Variants in GRHL1 observed in about 807,000 individuals in gnomAD.
GRHL1 encodes the protein grainyhead like transcription factor 1.
A neutral mutation model predicts 75.7 loss-of-function variants in GRHL1; 38 were observed. That is an observed-to-expected ratio of 0.50 (90% CI 0.39 to 0.66). The LOEUF is 0.66. Among genes scored for constraint, GRHL1 ranks in the 30% least tolerant of loss-of-function variants. GRHL1 has a pLI of 0.00. For synonymous variants in GRHL1, 266 were observed against 279.4 expected (o/e 0.95, Z 0.48); for missense variants, 589 against 767.5 (o/e 0.77, Z 2.75).
In GRHL1 at chr2:9,961,420, A is replaced by G. The variant is rs758682916; in HGVS notation, c.653A>G (p.Lys218Arg). Residue 218 changes from lysine to arginine, a missense_variant, in exon 4 of 16, where the codon AAG becomes AGG. By Grantham distance (26) the Lys-to-Arg change is conservative. Coordinates refer to ENST00000324907, the MANE Select transcript of GRHL1 (RefSeq NM_198182.3). ...TPDSTFSETF[K>R]EGVQEVFFPS... Reference sequence around the variant, plus strand: ...GACTCGACCTTCTCAGAGACCTTCAAGGAAGGCGTTCAGGAGGTAAGGAAA... The same window carrying G: ...GACTCGACCTTCTCAGAGACCTTCAGGGAAGGCGTTCAGGAGGTAAGGAAA... 1 of 1,608,788 alleles carries G rather than the reference A, an allele frequency of 6.2e-7. No individual in the cohort carries two copies. The highest frequency in any genetic ancestry group is 8.5e-7 in the Non-Finnish European group (1 of 1,175,562).
chr2:9,998,210 G>A (rs559848650), intron 14 of GRHL1, among the ~76,000 whole-genome samples: 1 of 152,110 alleles, frequency 6.6e-6, no homozygotes, highest in East Asian at 1.9e-4. Context: ...GAGTGAATCA[G>A]CTGTTTGTCC....
chr2:9,960,955 A>C, intron 3 of GRHL1, 91 bp from the exon 4 acceptor site: 1 of 913,266 alleles, frequency 1.1e-6, no homozygotes. Context: ...GTTATTGCAC[A>C]GGACCCAACA....
chr2:9,951,828 G>T lies in GRHL1; in HGVS notation c.-6G>T. On this transcript the variant is annotated 5_prime_UTR_variant, in exon 1 of 16. Coordinates refer to ENST00000324907, the MANE Select transcript of GRHL1 (RefSeq NM_198182.3). The surrounding 1 kb of genome is among the most constrained non-coding windows in gnomAD (Gnocchi z 4.2). ...TTCTGCGGCCCGGCAGCGGCGAGCGGGCGCGATGACACAGGAGTACGACAA... is the reference window on the plus strand; with the variant it reads ...TTCTGCGGCCCGGCAGCGGCGAGCGTGCGCGATGACACAGGAGTACGACAA... 6.5e-7 allele frequency: 1 copy of T among 1,527,098 alleles called. No individual in the cohort carries two copies. The highest frequency in any genetic ancestry group is 8.8e-7 in the Non-Finnish European group (1 of 1,135,856). The allele number at this position is 1,527,098 out of a possible 1,614,324, so 94.6% of individuals were successfully genotyped here.
At chr2:9,969,240 A>G (rs997575799) in intron 8 of GRHL1, among the ~76,000 whole-genome samples, 3 of 152,232 alleles carry the variant, frequency 2.0e-5, no homozygotes, top group Admixed American at 1.3e-4. Flanking sequence ...GGGAGAGAGA[A>G]TTAACTTCTT....
At chr2:9,980,295 C>T (rs371893203) in intron 8 of GRHL1, among the ~76,000 whole-genome samples, 14 of 151,780 alleles carry the variant, frequency 9.2e-5, no homozygotes, top group Non-Finnish European at 1.6e-4. Context: ...CGTTCAAGAT[C>T]TGATTTCTTG....
chr2:9,983,318 T>TA (rs397873697), intron 8 of GRHL1, among the ~76,000 whole-genome samples: 2 of 152,170 alleles, frequency 1.3e-5, no homozygotes, highest in Admixed American at 6.6e-5. Context: ...ATTTTTTTTT[T>TA]AATGCTGAAT....
intron 8 of GRHL1, among the ~76,000 whole-genome samples, chr2:9,969,361 C>T (rs1667618922): frequency 6.6e-6 from 1 of 152,198 alleles, no homozygotes; most frequent in South Asian, 2.1e-4. Context: ...GTACTCCATG[C>T]TATTACGTGC....
intron 3 of GRHL1, chr2:9,960,165 A>G (rs1270809888): frequency 1.3e-5 from 2 of 152,222 alleles, no homozygotes; most frequent in Admixed American, 1.3e-4. Flanking sequence ...CAGGCCCGGC[A>G]CAGTGGCTCA....
Position 9,963,868 on chromosome 2 carries a change from A to C in GRHL1, c.747-18A>C. On this transcript the variant is annotated intron_variant, in intron 5 of 15. Coordinates refer to ENST00000324907, the MANE Select transcript of GRHL1 (RefSeq NM_198182.3). ...ACGAGAGTAGATTTAGAGACCTGTG[A>C]CTTTTTTTGTCCTTTAGGAACAACT... 1.3e-6 allele frequency: 2 copies of C among 1,594,034 alleles called. No homozygotes were observed. Among genetic ancestry groups the C allele is most frequent in the Non-Finnish European group, 1.7e-6 (2 of 1,168,068 alleles).
intron 8 of GRHL1, among the ~76,000 whole-genome samples, chr2:9,969,511 A>G (rs1284735744): frequency 1.3e-5 from 2 of 152,274 alleles, no homozygotes; most frequent in African/African-American, 4.8e-5. Context: ...TGGACTCACT[A>G]ATATAAATAA....
Position 9,990,501 on chromosome 2 carries a change from A to G in GRHL1, c.1270-195A>G, listed in dbSNP as rs115116781. Among the ~76,000 whole-genome samples the G allele has an allele frequency of 5.4e-3, 820 of 152,302 alleles. 10 individuals carry two copies. The highest frequency in any genetic ancestry group is 0.019 in the African/African-American group (771 of 41,566). On this transcript the variant is annotated intron_variant, in intron 9 of 15. Coordinates refer to ENST00000324907, the MANE Select transcript of GRHL1 (RefSeq NM_198182.3). The surrounding 1 kb of genome is among the most constrained non-coding windows in gnomAD (Gnocchi z 4.2). ...AATAAATGTTGTTCCCTGTGATTTCATAGAATTAAAAATAATTTTAAGACT... is the reference window on the plus strand; with the variant it reads ...AATAAATGTTGTTCCCTGTGATTTCGTAGAATTAAAAATAATTTTAAGACT...
At chr2:9,997,562 C>T (rs1668922357) in intron 14 of GRHL1, among the ~76,000 whole-genome samples, 1 of 152,104 alleles carries the variant, frequency 6.6e-6, no homozygotes, top group African/African-American at 2.4e-5. Flanking sequence ...TGGCTCACAC[C>T]TGTAATCCCA....
In GRHL1 at chr2:9,992,200, G is replaced by A; in HGVS notation, c.1461+54G>A. On this transcript the variant is annotated intron_variant, in intron 11 of 15. Transcript: ENST00000324907. The surrounding 1 kb of genome is among the most constrained non-coding windows in gnomAD (Gnocchi z 4.6). ...ACCAGGAAGGAAGGCATGGCAAAAG[G>A]AAATTCTTTGGCATTATTCATGGGA... is the stretch of plus-strand genomic sequence containing the variant. The A allele has an allele frequency of 1.9e-6, 3 of 1,553,806 alleles. No individual in the cohort carries two copies. The East Asian group carries it at 6.8e-5, about 35-fold the overall frequency.
intron 5 of GRHL1, among the ~76,000 whole-genome samples, chr2:9,963,657 G>A (rs953428956): frequency 6.6e-6 from 1 of 152,018 alleles, no homozygotes; most frequent in African/African-American, 2.4e-5. Context: ...TTAATATCTC[G>A]AGCCCTCAAA....
At chr2:9,966,864 A>G (rs188399445) in intron 8 of GRHL1, among the ~76,000 whole-genome samples, 28 of 152,290 alleles carry the variant, frequency 1.8e-4, no homozygotes, top group Non-Finnish European at 1.5e-4. Flanking sequence ...TTTCCTGCCA[A>G]CCACCTCAGT....
intron 8 of GRHL1, among the ~76,000 whole-genome samples, chr2:9,971,507 C>T (rs147277733): frequency 6.6e-6 from 1 of 152,306 alleles, no homozygotes; most frequent in African/African-American, 2.4e-5. Flanking sequence ...GCTAACTAGA[C>T]TGAGATGGAT....
rs376980302 is a variant in GRHL1, at chr2:9,954,927, G to A, written c.33G>A (p.Val11=). Residue 11 remains valine, a synonymous_variant, in exon 2 of 16, where the codon GTG becomes GTA. Transcript: ENST00000324907. ...AATTTCTCTGAAGCAAACGGCCAGT[G>A]TTGGTTCTTCAGAATGAAGCACTTT... The part of the protein sequence containing the change: MTQEYDNKRP[V]LVLQNEALYP... The A allele has an allele frequency of 6.8e-6, 11 of 1,612,866 alleles. No individual in the cohort carries two copies. In the African/African-American group the frequency reaches 1.3e-4, roughly 20 times the overall value.
intron 4 of GRHL1, among the ~76,000 whole-genome samples, chr2:9,961,643 A>G (rs1253529584): frequency 1.3e-5 from 2 of 152,210 alleles, no homozygotes; most frequent in African/African-American, 4.8e-5. Context: ...ATGCAAGGCT[A>G]ATCTTACCAG....
intron 8 of GRHL1, among the ~76,000 whole-genome samples, chr2:9,983,328 T>C (rs2125233324): frequency 6.6e-6 from 1 of 152,134 alleles, no homozygotes; most frequent in Admixed American, 6.5e-5. Context: ...TAATGCTGAA[T>C]TAGGACCATT....
Sources: gnomAD v4.1 joint callset for allele counts (sites outside exome capture counted in the v4.1 genomes callset) on GRCh38, gnomAD v4.1.1 for gene constraint, Gnocchi (gnomAD v3.1) non-coding constraint, MANE v1.5 for transcripts, NCBI Gene and HGNC (gene_info 2026-07-23, HGNC 2026-07-21) for gene names.